STAU1: variants seen among roughly 807,000 people sequenced by gnomAD.
STAU1 encodes staufen double-stranded RNA binding protein 1.
In STAU1, 13 loss-of-function variants were observed where a neutral mutation model predicts 62.9. That is an observed-to-expected ratio of 0.21 (90% CI 0.13 to 0.33). The LOEUF (loss-of-function observed/expected upper bound fraction) is 0.33. STAU1 is among the 10% of genes least tolerant of loss of function. The probability of loss-of-function intolerance (pLI) is 1.00; values close to 1 mark genes in which losing one functional copy is unlikely to be tolerated. For synonymous variants in STAU1, 269 were observed against 265.1 expected (o/e 1.01, Z -0.14); for missense variants, 571 against 712.1 (o/e 0.80, Z 2.25).
At chr20:49,169,029 C>A (rs1452495260) in intron 2 of STAU1, among the ~76,000 whole-genome samples, 1 of 151,514 alleles carries the variant, frequency 6.6e-6, no homozygotes, top group East Asian at 1.9e-4. Context: ...CCGCTCACTG[C>A]AAACTCCGCC....
At chr20:49,135,527 A>C (rs2092859862) in intron 6 of STAU1, among the ~76,000 whole-genome samples, 1 of 151,976 alleles carries the variant, frequency 6.6e-6, no homozygotes, top group Non-Finnish European at 1.5e-5. Flanking sequence ...TAGCCCCTCC[A>C]CCCTTCCCTA....
At position 49,135,881 on chromosome 20, in the gene STAU1, A is replaced by G. The variant is rs1329395205; in HGVS notation, c.561T>C (p.Ser187=). ...EEENLNKSEI[S]QVFEIALKRN... is the part of the protein sequence containing the mutation. Reference sequence around the variant, plus strand: ...GTTTAAGTGCAATCTCAAACACTTGACTTATTTCAGATTTATTGAGATTTT... The same window carrying G: ...GTTTAAGTGCAATCTCAAACACTTGGCTTATTTCAGATTTATTGAGATTTT... Residue 187 remains serine, a synonymous_variant, in exon 6 of 14, where the codon AGT becomes AGC. Transcript: ENST00000371856. 1 of 1,613,952 alleles carries G rather than the reference A, an allele frequency of 6.2e-7. No homozygotes were observed. The highest frequency in any genetic ancestry group is 1.1e-5 in the South Asian group (1 of 90,998).
In STAU1 at chr20:49,115,852, A is replaced by G; in HGVS notation, c.1648T>C (p.Leu550=). ...TGGTCCAACTCAGACAGCAACTTTA[A>G]GATGTTCAGCGCAGCCTAGTGGGGA... ...SCHDMAALNI[L]KLLSELDQQS... Residue 550 remains leucine, a synonymous_variant, in exon 13 of 14, where the codon TTA becomes CTA. Coordinates refer to ENST00000371856, the MANE Select transcript of STAU1 (RefSeq NM_017453.4). 6.2e-7 allele frequency: 1 copy of G among 1,614,054 alleles called. No homozygotes were observed.
chr20:49,119,122 A>G (rs148966440), intron 9 of STAU1, among the ~76,000 whole-genome samples: 20 of 152,318 alleles, frequency 1.3e-4, no homozygotes, highest in Admixed American at 3.9e-4. Flanking sequence ...GGGAAAGAAG[A>G]AGGTCAGCCA....
chr20:49,166,567 A>G (rs1344548139), intron 2 of STAU1, among the ~76,000 whole-genome samples: 1 of 152,216 alleles, frequency 6.6e-6, no homozygotes, highest in Non-Finnish European at 1.5e-5. Flanking sequence ...ATTGGTGAGT[A>G]TTAAGAATTG....
At chr20:49,118,177 G>A in intron 10 of STAU1, 81 bp from the exon 11 acceptor site, 1 of 1,462,312 alleles carries the variant, frequency 6.8e-7, no homozygotes, top group Non-Finnish European at 9.5e-7. Context: ...CCCCACGCTG[G>A]CCCTCCCCTT....
intron 1 of STAU1, among the ~76,000 whole-genome samples, chr20:49,174,475 T>C (rs1368577433): frequency 1.3e-5 from 2 of 152,024 alleles, no homozygotes; most frequent in East Asian, 3.9e-4. Context: ...ATCCCAACAC[T>C]TTGGGAGGCC....
rs558524682 is a variant in STAU1, at chr20:49,139,952, G to A, written c.511-4021C>T. Among the ~76,000 whole-genome samples the A allele has an allele frequency of 8.8e-4, 134 of 152,040 alleles. 3 individuals carry two copies. The highest frequency in any genetic ancestry group is 6.8e-3 in the Middle Eastern group (2 of 294). On this transcript the variant is annotated intron_variant, in intron 5 of 13. Transcript: ENST00000371856. ...TGTAATCCCAGCACTTTGGGAGGCCGAGGCAGGCGGATCACCTGAGGTCAG... is the reference window on the plus strand; with the variant it reads ...TGTAATCCCAGCACTTTGGGAGGCCAAGGCAGGCGGATCACCTGAGGTCAG...
chr20:49,208,873 C>T, the STAU1 span, among the ~76,000 whole-genome samples: 329 of 149,818 alleles, frequency 2.2e-3, 2 homozygotes, highest in African/African-American at 7.7e-3. Context: ...CCGCCTGCCT[C>T]GGCCTCCCAA....
intron 1 of STAU1, among the ~76,000 whole-genome samples, chr20:49,177,895 T>C (rs374073359): frequency 2.0e-5 from 3 of 152,074 alleles, no homozygotes; most frequent in Non-Finnish European, 4.4e-5. Context: ...AACATTCATG[T>C]TTTGGCCAGG....
the STAU1 span, among the ~76,000 whole-genome samples, chr20:49,199,078 A>G: frequency 2.7e-5 from 4 of 150,726 alleles, no homozygotes; most frequent in South Asian, 8.5e-4. Context: ...CCCGGGAGGC[A>G]GAGGTTGCAG....
intron 5 of STAU1, among the ~76,000 whole-genome samples, chr20:49,144,345 T>G (rs2093076716): frequency 6.6e-6 from 1 of 152,166 alleles, no homozygotes; most frequent in Non-Finnish European, 1.5e-5. Flanking sequence ...AAATGTTGCA[T>G]GATGAAGTCC....
At chr20:49,128,129 A>G (rs2092672038) in intron 6 of STAU1, among the ~76,000 whole-genome samples, 1 of 151,670 alleles carries the variant, frequency 6.6e-6, no homozygotes, top group African/African-American at 2.4e-5. Flanking sequence ...AGCCTGGGCA[A>G]CAAGAGCGAA....
chr20:49,139,598 C>T (rs1421033621), intron 5 of STAU1, among the ~76,000 whole-genome samples: 7 of 151,498 alleles, frequency 4.6e-5, no homozygotes, highest in African/African-American at 1.7e-4. Context: ...TGGTAGCAGA[C>T]GTCTGTAATC....
chr20:49,119,961 C>CA, intron 9 of STAU1, 21 bp downstream of exon 9: 2 of 1,608,104 alleles, frequency 1.2e-6, no homozygotes, highest in East Asian at 4.5e-5. Flanking sequence ...ATCTTGCAAT[C>CA]AGAGAGCCCA....
rs531318124 is a variant in STAU1 at position 49,151,624 on chromosome 20, C to T, written c.468G>A (p.Ala156=). Residue 156 remains alanine (A), a synonymous_variant, in exon 5 of 14, where the codon GCG becomes GCA. Coordinates refer to ENST00000371856, the MANE Select transcript of STAU1 (RefSeq NM_017453.4). ...QAAKHDAAAK[A]LRILQNEPLP... is the part of the protein sequence containing the mutation. ...GGGGCTCATTCTGCAGGATCCTCAA[C>T]GCTTTGGCAGCAGCATCGTGTTTCG... The T allele has an allele frequency of 1.6e-4, 261 of 1,612,062 alleles. No individual in the cohort carries two copies. In the South Asian group the frequency reaches 2.7e-3, roughly 16 times the overall value.
At chr20:49,150,010 T>A (rs887970174) in intron 5 of STAU1, among the ~76,000 whole-genome samples, 5 of 152,212 alleles carry the variant, frequency 3.3e-5, no homozygotes, top group African/African-American at 1.2e-4. Context: ...TATTTTCAGG[T>A]GGCATTTCCT....
At chr20:49,126,262 AAC>A (rs2092609892) in intron 6 of STAU1, among the ~76,000 whole-genome samples, 1 of 151,886 alleles carries the variant, frequency 6.6e-6, no homozygotes, top group Non-Finnish European at 1.5e-5. Flanking sequence ...TGATTACAAT[AAC>A]ACAGATAGAA....
At chr20:49,191,216 G>A (rs756312228), upstream of STAU1, among the ~76,000 whole-genome samples, 12 of 151,794 alleles carry the variant, frequency 7.9e-5, no homozygotes, top group South Asian at 2.1e-4. Flanking sequence ...TAGTACAGAC[G>A]GGGTTTCGCC....
Sources: allele counts gnomAD v4.1 joint callset (sites outside exome capture counted in the v4.1 genomes callset), GRCh38; gene constraint gnomAD v4.1.1; transcripts MANE v1.5; gene names NCBI Gene and HGNC (gene_info 2026-07-23, HGNC 2026-07-21).